The following DLG1 variants were observed in gnomAD, a reference collection of about 807,000 sequenced individuals.
DLG1 encodes the protein discs large MAGUK scaffold protein 1, also known as disks large homolog 1.
DLG1 carries 42 observed loss-of-function variants against 123.4 expected under a neutral mutation model. That is an observed-to-expected ratio of 0.34 (90% CI 0.27 to 0.44). DLG1 has a LOEUF of 0.44. Among genes scored for constraint, DLG1 ranks in the 20% least tolerant of loss-of-function variants. The pLI, the probability that DLG1 is intolerant of heterozygous loss-of-function variation, is 1.00. For missense variants in DLG1, 942 were observed against 1,082.6 expected, an observed-to-expected ratio of 0.87 and a Z score of 1.82; for synonymous variants, 317 against 356.2, an observed-to-expected ratio of 0.89 and a Z score of 1.24.
intron 5 of DLG1, among the ~76,000 whole-genome samples, chr3:197,188,106 A>G (rs923601724): frequency 3.3e-5 from 5 of 152,216 alleles, no homozygotes; most frequent in African/African-American, 7.2e-5. Flanking sequence ...CAAACCTTTC[A>G]TAAGAACATT....
rs201153255 is a variant in DLG1 at position 197,138,294 on chromosome 3, G to A, written c.811C>T (p.Arg271Cys). 15 of 1,602,440 alleles carry A rather than the reference G, an allele frequency of 9.4e-6. No homozygotes were observed. The highest frequency in any genetic ancestry group is 4.5e-5 in the East Asian group (2 of 44,600). The change falls in exon 9 of 25, where the codon CGC (arginine) becomes TGC (cysteine). Residue 271 changes from arginine to cysteine, a missense_variant. By Grantham distance (180) the Arg-to-Cys change is radical (BLOSUM62 -3). Transcript: ENST00000667157. ...EALKEAGSIV[R>C]LYVKRRKPVS... The stretch of plus-strand genomic sequence containing the variant: ...GGTTTCCTTCTTTTTACATACAAGC[G>A]TACAATAGACCCTGCTTCTTTCAAC...
intron 19 of DLG1, among the ~76,000 whole-genome samples, chr3:197,068,244 C>T (rs1331002851): frequency 6.6e-6 from 1 of 152,072 alleles, no homozygotes; most frequent in African/African-American, 2.4e-5. Context: ...TATTTCACAC[C>T]TTAATAATTC....
chr3:197,295,235 T>C (rs538073281), intron 3 of DLG1, among the ~76,000 whole-genome samples: 1 of 152,308 alleles, frequency 6.6e-6, no homozygotes, highest in Admixed American at 6.5e-5. Flanking sequence ...TTTTCAAAAT[T>C]GTTCAGGTGC....
intron 14 of DLG1, 46 bp from the exon 15 acceptor site, chr3:197,091,072 A>G: frequency 7.8e-7 from 1 of 1,284,328 alleles, no homozygotes; most frequent in Non-Finnish European, 1.1e-6. Context: ...TTCAAAAAAT[A>G]AGTTATTTGA....
chr3:197,080,354 CT>C (rs140277617), intron 17 of DLG1: 7,101 of 131,384 alleles, frequency 0.054, 205 homozygotes, highest in South Asian at 0.082. Flanking sequence ...TCATGGCTCA[CT>C]ACTGCCTGGA....
intron 5 of DLG1, chr3:197,184,221 T>C: frequency 1.6e-6 from 1 of 631,912 alleles, no homozygotes; most frequent in Non-Finnish European, 2.0e-6. Context: ...CCTGTGGGGC[T>C]GCCTGATTTA....
chr3:197,067,609 G>A (rs1236813397), intron 19 of DLG1, among the ~76,000 whole-genome samples: 1 of 140,362 alleles, frequency 7.1e-6, no homozygotes, highest in Non-Finnish European at 1.5e-5. Context: ...CTAGTCTGGA[G>A]TGCAATGGCA....
In DLG1 at chr3:197,136,612, A is replaced by G; in HGVS notation, c.950T>C (p.Val317Ala). The G allele has an allele frequency of 6.2e-7, 1 of 1,613,546 alleles. No homozygotes were observed. The highest frequency in any genetic ancestry group is 8.5e-7 in the Non-Finnish European group (1 of 1,179,656). ...QHIPGDNSIY[V>A]TKIIEGGAAH... ...TGCACCTCCTTCAATTATTTTGGTTACATAGATGCTATTATCCCCAGGAAT... is the reference window on the plus strand; with the variant it reads ...TGCACCTCCTTCAATTATTTTGGTTGCATAGATGCTATTATCCCCAGGAAT... The change falls in exon 10 of 25, where the codon GTA becomes GCA. Residue 317 changes from valine (V) to alanine (A), a missense_variant. By Grantham distance (64) the Val-to-Ala change is moderately conservative (BLOSUM62 0). Transcript: ENST00000667157.
At chr3:197,182,718 T>C (rs1713093239) in intron 5 of DLG1, among the ~76,000 whole-genome samples, 1 of 149,518 alleles carries the variant, frequency 6.7e-6, no homozygotes. Context: ...AGACCATTTC[T>C]CGTCCTTTTA....
At chr3:197,200,383 T>A (rs1460872469) in intron 4 of DLG1, among the ~76,000 whole-genome samples, 26 of 152,156 alleles carry the variant, frequency 1.7e-4, no homozygotes, top group Non-Finnish European at 1.5e-5. Flanking sequence ...ATATACTTCA[T>A]TTTAAGAAAA....
chr3:197,248,634 T>C lies in DLG1; in HGVS notation c.318+34045A>G, dbSNP rs114695931. Among the ~76,000 whole-genome samples, 799 of 152,352 alleles carry C rather than the reference T, an allele frequency of 5.2e-3. 6 individuals are homozygous for C. The highest frequency in any genetic ancestry group is 0.017 in the African/African-American group (710 of 41,590). On this transcript the variant is annotated intron_variant, in intron 4 of 24. Coordinates refer to ENST00000667157, the MANE Select transcript of DLG1 (RefSeq NM_001366207.1). Reference sequence around the variant, plus strand: ...TTATTCCTAACGCCATTCCTGTTTCTGTGTCCTCCCCTTGTTATCTGGGGT... The same window carrying C: ...TTATTCCTAACGCCATTCCTGTTTCCGTGTCCTCCCCTTGTTATCTGGGGT...
chr3:197,214,309 T>C (rs1263889659), intron 4 of DLG1, among the ~76,000 whole-genome samples: 1 of 152,098 alleles, frequency 6.6e-6, no homozygotes, highest in African/African-American at 2.4e-5. Flanking sequence ...AGAAATGATA[T>C]TCAGGGCCAG....
At chr3:197,075,998 C>T (rs1041515293) in intron 18 of DLG1, 7 of 589,432 alleles carry the variant, frequency 1.2e-5, no homozygotes, top group African/African-American at 1.1e-4. Flanking sequence ...ATATATCTTA[C>T]AGAGCATTTT....
intron 4 of DLG1, among the ~76,000 whole-genome samples, chr3:197,233,800 G>A (rs1223372597): frequency 9.9e-5 from 15 of 152,222 alleles, no homozygotes; most frequent in East Asian, 3.8e-4. Context: ...GATTACAGGC[G>A]TAAGCCACCG....
chr3:197,297,810 T>A, intron 1 of DLG1: 1 of 985,210 alleles, frequency 1.0e-6, no homozygotes. Context: ...AAAGTTCCGG[T>A]GAGCGGCGTG....
At chr3:197,113,786 A>C (rs982224476) in intron 13 of DLG1, among the ~76,000 whole-genome samples, 18 of 152,320 alleles carry the variant, frequency 1.2e-4, no homozygotes, top group Admixed American at 2.6e-4. Flanking sequence ...AGATATAGTT[A>C]AGATACAGTT....
intron 4 of DLG1, among the ~76,000 whole-genome samples, chr3:197,273,598 T>G (rs189338186): frequency 2.7e-4 from 41 of 152,202 alleles, no homozygotes; most frequent in Admixed American, 1.7e-3. Flanking sequence ...GCAGATGGCT[T>G]ATTTTAAAAT....
At position 197,245,886 on chromosome 3, in the gene DLG1, T is replaced by C. The variant is rs541969631; in HGVS notation, c.318+36793A>G. On this transcript the variant is annotated intron_variant, in intron 4 of 24. Transcript: ENST00000667157. ...TTTTGATGTCCTGGGACATGGACAA[T>C]ACTTTTTTTTTTTTGGGGGGGGGGG... Among the ~76,000 whole-genome samples, 225 of 115,318 alleles carry C rather than the reference T, an allele frequency of 2.0e-3. 3 individuals are homozygous for C. Among genetic ancestry groups the C allele is most frequent in the African/African-American group, 6.9e-3 (211 of 30,664 alleles). 75.7% of individuals were successfully genotyped at this position (115,318 alleles called of 152,430 possible).
In DLG1 at chr3:197,225,019, C is replaced by T. The variant is rs543167344; in HGVS notation, c.319-30430G>A. ...TGGCCCAGGCCGGAGTGCAGTGGCG[C>T]GATCTTGGCTCACTGCAAGCTCCGC... is the stretch of plus-strand genomic sequence containing the variant. On this transcript the variant is annotated intron_variant, in intron 4 of 24. Coordinates refer to ENST00000667157, the MANE Select transcript of DLG1 (RefSeq NM_001366207.1). Among the ~76,000 whole-genome samples the T allele has an allele frequency of 2.6e-5, 4 of 152,274 alleles. No individual in the cohort carries two copies. In the South Asian group the frequency reaches 6.2e-4, roughly 24 times the overall value.
Sources: allele counts gnomAD v4.1 joint callset (sites outside exome capture counted in the v4.1 genomes callset), GRCh38; gene constraint gnomAD v4.1.1; transcripts MANE v1.5; gene names NCBI Gene and HGNC (gene_info 2026-07-23, HGNC 2026-07-21).